The following UNC119B variants were observed in gnomAD, a reference collection of about 807,000 sequenced individuals.
UNC119B encodes the protein protein unc-119 homolog B.
A neutral mutation model predicts 23.4 loss-of-function variants in UNC119B; 16 were observed. That is an observed-to-expected ratio of 0.68 (90% CI 0.46 to 1.04). UNC119B has a LOEUF of 1.04. Ranked by LOEUF, UNC119B falls within the 50% of genes least tolerant of loss-of-function variation. UNC119B has a pLI of 0.00. For synonymous variants in UNC119B, 144 were observed against 145.4 expected (o/e 0.99, Z 0.07); for missense variants, 350 against 361.3 (o/e 0.97, Z 0.25).
chr12:120,710,839 C>G (rs1012310276), intron 1 of UNC119B, 121 bp downstream of exon 1: 4 of 993,020 alleles, frequency 4.0e-6, no homozygotes, highest in Non-Finnish European at 5.1e-6. Context: ...CCGGCCGGGC[C>G]GCGCTTCCCG....
Position 120,710,670 on chromosome 12 carries a change from G to C in UNC119B, c.196G>C (p.Asp66His), listed in dbSNP as rs1043837905. 1.6e-5 allele frequency: 23 copies of C among 1,451,848 alleles called. No homozygotes were observed. The highest frequency in any genetic ancestry group is 5.9e-5 in the African/African-American group (4 of 67,616). The allele number at this position is 1,451,848 out of a possible 1,614,324, so 89.9% of individuals were successfully genotyped here. ...AVTEQELLAL[D>H]TIRPEHVLRL... Reference sequence around the variant, plus strand: ...CACGGAGCAGGAGCTGCTGGCGCTGGACACCATCCGGCCCGAGCACGTCCT... The same window carrying C: ...CACGGAGCAGGAGCTGCTGGCGCTGCACACCATCCGGCCCGAGCACGTCCT... Residue 66 changes from aspartate (D) to histidine (H), a missense_variant, in exon 1 of 5, where the codon GAC (aspartate) becomes CAC (histidine). Physicochemically the swap from Asp to His is moderately conservative, Grantham distance 81. Coordinates refer to ENST00000344651, the MANE Select transcript of UNC119B (RefSeq NM_001080533.3).
In UNC119B at chr12:120,719,801, G is replaced by A. The variant is rs75205937; in HGVS notation, c.644-119G>A. On this transcript the variant is annotated intron_variant, in intron 4 of 4. Transcript: ENST00000344651. Reference sequence around the variant, plus strand: ...CTGACCTCATCGTTATTCTGGCAGAGTATACTCTGAAGCGCTGGCTTATTT... The same window carrying A: ...CTGACCTCATCGTTATTCTGGCAGAATATACTCTGAAGCGCTGGCTTATTT... 4,815 of 685,522 alleles carry A rather than the reference G, an allele frequency of 7.0e-3. 155 individuals are homozygous for A. The African/African-American group carries it at 0.076, about 11-fold the overall frequency. The allele number at this position is 685,522 out of a possible 1,614,324, so 42.5% of individuals were successfully genotyped here. A position where few individuals can be genotyped will look rare whatever the true frequency, so the allele number is the denominator to read the frequency against.
At position 120,710,615 on chromosome 12, in the gene UNC119B, C is replaced by A; in HGVS notation, c.141C>A (p.His47Gln). ...RLKARRQAPH[H>Q]AADDGVGAAV... ...AGGCGCGGCGGCAGGCGCCCCACCA[C>A]GCGGCCGACGACGGCGTCGGGGCAG... Residue 47 changes from histidine to glutamine, a missense_variant, in exon 1 of 5, where the codon CAC becomes CAA. Physicochemically the swap from His to Gln is conservative, Grantham distance 24. Transcript: ENST00000344651. The A allele has an allele frequency of 6.9e-7, 1 of 1,440,962 alleles. No individual in the cohort carries two copies. Among genetic ancestry groups the A allele is most frequent in the Non-Finnish European group, 9.1e-7 (1 of 1,102,342 alleles). 89.3% of individuals were successfully genotyped at this position (1,440,962 alleles called of 1,614,324 possible).
intron 1 of UNC119B, 48 bp downstream of exon 1, chr12:120,710,766 C>T: frequency 7.8e-7 from 1 of 1,289,000 alleles, no homozygotes. Context: ...TGCCCCGGCT[C>T]CCGGAGCCTT....
At chr12:120,714,561 G>A (rs548543099) in intron 2 of UNC119B, among the ~76,000 whole-genome samples, 4 of 149,722 alleles carry the variant, frequency 2.7e-5, no homozygotes, top group East Asian at 1.9e-4. Context: ...CCTTTGATTC[G>A]CCTGCCTTGG....
intron 2 of UNC119B, 128 bp downstream of exon 2, chr12:120,713,515 G>A (rs1158528273): frequency 4.4e-6 from 3 of 687,292 alleles, no homozygotes; most frequent in African/African-American, 1.8e-5. Flanking sequence ...ACCTCTTCCC[G>A]TGGCCTGGTC....
At chr12:120,718,051 G>C (rs2072460816) in intron 4 of UNC119B, among the ~76,000 whole-genome samples, 1 of 152,040 alleles carries the variant, frequency 6.6e-6, no homozygotes, top group Non-Finnish European at 1.5e-5. Flanking sequence ...TGTATTTTTA[G>C]TAGAGACGGG....
At chr12:120,711,220 C>T in intron 1 of UNC119B, 1 of 152,884 alleles carries the variant, frequency 6.5e-6, no homozygotes, top group Non-Finnish European at 1.5e-5. Flanking sequence ...CCCGGCCTCC[C>T]TCCCTCTTTG....
intron 2 of UNC119B, among the ~76,000 whole-genome samples, chr12:120,715,649 T>G (rs1302235577): frequency 6.9e-6 from 1 of 145,748 alleles, no homozygotes; most frequent in Non-Finnish European, 1.5e-5. Flanking sequence ...TTCTCCTGCC[T>G]CAGCCTTCCG....
intron 4 of UNC119B, among the ~76,000 whole-genome samples, chr12:120,718,901 C>T (rs750996192): frequency 6.6e-6 from 1 of 152,146 alleles, no homozygotes; most frequent in Admixed American, 6.5e-5. Context: ...AGGGTGTTGA[C>T]GACAGCATCT....
In UNC119B at chr12:120,722,371, C is replaced by T. The variant is rs1441234637; in HGVS notation, c.*2339C>T. The T allele has an allele frequency of 6.6e-6, 1 of 152,258 alleles. No individual in the cohort carries two copies. Among genetic ancestry groups the T allele is most frequent in the African/African-American group, 2.4e-5 (1 of 41,446 alleles). 9.4% of individuals were successfully genotyped at this position (152,258 alleles called of 1,614,324 possible). A position where few individuals can be genotyped will look rare whatever the true frequency, so the allele number is the denominator to read the frequency against. On this transcript the variant is annotated 3_prime_UTR_variant, in exon 5 of 5. Coordinates refer to ENST00000344651, the MANE Select transcript of UNC119B (RefSeq NM_001080533.3). ...TCCTGTGTCTAGCTGCTCAGGAAAT[C>T]TTGAGAAGCATTCCACTCTGGGGTG...
intron 1 of UNC119B, 28 bp from the exon 2 acceptor site, chr12:120,713,246 A>G: frequency 6.7e-7 from 1 of 1,489,772 alleles, no homozygotes; most frequent in Non-Finnish European, 9.2e-7. Context: ...ATTATTTAAC[A>G]GTGTTGGTTT....
intron 1 of UNC119B, chr12:120,711,389 G>T (rs901883968): frequency 6.6e-6 from 1 of 152,200 alleles, no homozygotes; most frequent in Admixed American, 6.5e-5. Flanking sequence ...TGACATTCTC[G>T]TGAATTAAGA....
intron 4 of UNC119B, among the ~76,000 whole-genome samples, chr12:120,719,485 G>T (rs1336911091): frequency 1.3e-5 from 2 of 152,208 alleles, no homozygotes; most frequent in African/African-American, 4.8e-5. Context: ...GGTGGGCACA[G>T]TGAGGCTCAG....
intron 1 of UNC119B, 159 bp downstream of exon 1, chr12:120,710,877 GC>G: frequency 1.6e-6 from 1 of 632,030 alleles, no homozygotes; most frequent in Non-Finnish European, 2.2e-6. Flanking sequence ...CTTTGCTCCC[GC>G]CACGCTCACG....
chr12:120,718,841 G>A (rs1044941151), intron 4 of UNC119B, among the ~76,000 whole-genome samples: 44 of 152,272 alleles, frequency 2.9e-4, no homozygotes, highest in Admixed American at 8.5e-4. Context: ...ACCTTTAATC[G>A]TGTGGCAGTA....
At position 120,710,523 on chromosome 12, in the gene UNC119B, C is replaced by A; in HGVS notation, c.49C>A (p.Pro17Thr). ...TGCGGCCGCGGCGTCGGCGGCTGGG[C>A]CCGGGGGGCTGGTGGCTGGCAAGGA... ...KAAAAASAAGPGGLVAGKEEK... is the reference protein window; with the variant it reads ...KAAAAASAAGTGGLVAGKEEK... Residue 17 changes from proline to threonine, a missense_variant, in exon 1 of 5, where the codon CCC becomes ACC. Transcript: ENST00000344651. 2 of 1,369,198 alleles carry A rather than the reference C, an allele frequency of 1.5e-6. No individual in the cohort carries two copies. Among genetic ancestry groups the A allele is most frequent in the Non-Finnish European group, 1.9e-6 (2 of 1,067,652 alleles). 84.8% of individuals were successfully genotyped at this position (1,369,198 alleles called of 1,614,324 possible).
In UNC119B at chr12:120,721,376, C is replaced by T. The variant is rs975555477; in HGVS notation, c.*1344C>T. 2.6e-5 allele frequency: 4 copies of T among 152,282 alleles called. No individual in the cohort carries two copies. Among genetic ancestry groups the T allele is most frequent in the African/African-American group, 9.7e-5 (4 of 41,450 alleles). 9.4% of individuals were successfully genotyped at this position (152,282 alleles called of 1,614,324 possible). On this transcript the variant is annotated 3_prime_UTR_variant, in exon 5 of 5. Coordinates refer to ENST00000344651, the MANE Select transcript of UNC119B (RefSeq NM_001080533.3). Reference sequence around the variant, plus strand: ...TGAGACGATTGATGTGGCCAGGGTCCAGTTAGCATCAGTAGAAGGATGTCA... The same window carrying T: ...TGAGACGATTGATGTGGCCAGGGTCTAGTTAGCATCAGTAGAAGGATGTCA...
rs150187904 is a variant in UNC119B at position 120,717,009 on chromosome 12, A to T, written c.610A>T (p.Ile204Phe). Residue 204 changes from isoleucine to phenylalanine, a missense_variant, in exon 4 of 5, where the codon ATC becomes TTC. Ile to Phe is a conservative substitution (Grantham distance 21). Transcript: ENST00000344651. The part of the protein sequence containing the change: ...IPSSRNTCEH[I>F]YEFPQLSEDV... ...CAGCAGTAGGAACACTTGTGAACAT[A>T]TCTATGAGTTTCCCCAGCTTTCGGA... 12 of 1,607,770 alleles carry T rather than the reference A, an allele frequency of 7.5e-6. No individual in the cohort carries two copies. In the African/African-American group the frequency reaches 1.3e-4, roughly 18 times the overall value.
Sources: allele counts gnomAD v4.1 joint callset (sites outside exome capture counted in the v4.1 genomes callset), GRCh38; gene constraint gnomAD v4.1.1; transcripts MANE v1.5; gene names NCBI Gene and HGNC (gene_info 2026-07-23, HGNC 2026-07-21).